Variants in GPC6 observed in about 807,000 individuals in gnomAD.
GPC6 encodes the protein glypican-6.
A neutral mutation model predicts 55.2 loss-of-function variants in GPC6; 14 were observed. That is an observed-to-expected ratio of 0.25 (90% confidence interval 0.17 to 0.40). The LOEUF (loss-of-function observed/expected upper bound fraction) is 0.40, where lower values mean the gene tolerates loss of function less well. Among genes scored for constraint, GPC6 ranks in the 10% least tolerant of loss-of-function variants. GPC6 has a pLI of 1.00. For synonymous variants in GPC6, 278 were observed against 259.6 expected (o/e 1.07, Z -0.68); for missense variants, 641 against 708.5 (o/e 0.90, Z 1.08).
At chr13:93,287,980 T>C (rs567167629) in intron 1 of GPC6, among the ~76,000 whole-genome samples, 8 of 152,334 alleles carry the variant, frequency 5.3e-5, no homozygotes, top group Non-Finnish European at 7.4e-5. Flanking sequence ...CTTGATTTCA[T>C]TGCATTTTGT....
intron 2 of GPC6, among the ~76,000 whole-genome samples, chr13:93,803,279 G>A (rs1886435335): frequency 6.6e-6 from 1 of 152,052 alleles, no homozygotes; most frequent in Admixed American, 6.6e-5. Context: ...ATTGAAAAAT[G>A]GGCAAATGAC....
intron 6 of GPC6, among the ~76,000 whole-genome samples, chr13:94,316,818 G>A (rs1398927975): frequency 6.6e-6 from 1 of 151,876 alleles, no homozygotes; most frequent in Non-Finnish European, 1.5e-5. Context: ...CTTTGATATT[G>A]CACATTGTGA....
At chr13:93,673,874 C>T (rs902275928) in intron 2 of GPC6, among the ~76,000 whole-genome samples, 3 of 152,096 alleles carry the variant, frequency 2.0e-5, no homozygotes, top group Admixed American at 6.6e-5. Flanking sequence ...GATTTGATTA[C>T]ATCATGGACT....
chr13:93,653,635 C>T (rs1331672107), intron 2 of GPC6, among the ~76,000 whole-genome samples: 2 of 41,564 alleles, frequency 4.8e-5, no homozygotes, highest in East Asian at 6.5e-4. Flanking sequence ...TGATTTTAAA[C>T]TTAAAAAAAA....
intron 6 of GPC6, among the ~76,000 whole-genome samples, chr13:94,361,734 A>C (rs922277002): frequency 6.6e-6 from 1 of 152,264 alleles, no homozygotes; most frequent in African/African-American, 2.4e-5. Context: ...GATGTACTTC[A>C]TAAATTCAGA....
At chr13:94,007,566 C>G (rs185007577) in intron 3 of GPC6, among the ~76,000 whole-genome samples, 156 of 152,340 alleles carry the variant, frequency 1.0e-3, no homozygotes, top group Non-Finnish European at 1.9e-3. Flanking sequence ...CTCTTCTTTC[C>G]TACTGCCCTA....
intron 2 of GPC6, among the ~76,000 whole-genome samples, chr13:93,627,660 A>G (rs542473303): frequency 2.6e-5 from 4 of 151,660 alleles, no homozygotes; most frequent in South Asian, 2.1e-4. Context: ...ACCATTTCCT[A>G]TGTGGAAATT....
At chr13:94,369,431 T>A (rs563275452) in intron 6 of GPC6, among the ~76,000 whole-genome samples, 1 of 152,314 alleles carries the variant, frequency 6.6e-6, no homozygotes, top group Admixed American at 6.5e-5. Context: ...AAGTCAAATA[T>A]GTCTCATCAG....
intron 1 of GPC6, among the ~76,000 whole-genome samples, chr13:93,536,461 G>A (rs1177937122): frequency 6.6e-6 from 1 of 152,040 alleles, no homozygotes; most frequent in African/African-American, 2.4e-5. Context: ...GACTACTTCG[G>A]GCACCTCATA....
chr13:93,310,744 G>T (rs2139107922), intron 1 of GPC6, among the ~76,000 whole-genome samples: 1 of 152,192 alleles, frequency 6.6e-6, no homozygotes, highest in South Asian at 2.1e-4. Flanking sequence ...CTACTTTGTT[G>T]CATTCTATAT....
chr13:94,224,630 A>T (rs924757374), intron 4 of GPC6, among the ~76,000 whole-genome samples: 5 of 152,120 alleles, frequency 3.3e-5, no homozygotes, highest in African/African-American at 1.2e-4. Flanking sequence ...TTGTTTGATG[A>T]TAGGAATGAG....
intron 4 of GPC6, among the ~76,000 whole-genome samples, chr13:94,057,274 G>A (rs1034413445): frequency 6.6e-6 from 1 of 152,132 alleles, no homozygotes; most frequent in Non-Finnish European, 1.5e-5. Flanking sequence ...GCTTACAAGT[G>A]TAATCTTATC....
intron 1 of GPC6, among the ~76,000 whole-genome samples, chr13:93,543,602 C>A (rs895374871): frequency 6.6e-6 from 1 of 152,106 alleles, no homozygotes. Context: ...AGGAATGGTA[C>A]CAGTTCCTCC....
intron 3 of GPC6, among the ~76,000 whole-genome samples, chr13:93,986,208 A>G (rs950515675): frequency 1.8e-4 from 27 of 152,198 alleles, no homozygotes; most frequent in South Asian, 6.2e-4. Flanking sequence ...TGCACGTAAC[A>G]ACCTCTTTGA....
At chr13:94,176,832 C>T (rs906779439) in intron 4 of GPC6, among the ~76,000 whole-genome samples, 6 of 152,026 alleles carry the variant, frequency 3.9e-5, no homozygotes, top group Admixed American at 1.3e-4. Context: ...TATGCTTCTC[C>T]GGGGTGAAAG....
chr13:93,287,421 C>G (rs906690054), intron 1 of GPC6, among the ~76,000 whole-genome samples: 2 of 152,164 alleles, frequency 1.3e-5, no homozygotes, highest in Non-Finnish European at 2.9e-5. Flanking sequence ...GGAGGCCTCC[C>G]CGCCTGGTGT....
chr13:93,488,876 T>G (rs528587642), intron 1 of GPC6, among the ~76,000 whole-genome samples: 4 of 152,304 alleles, frequency 2.6e-5, no homozygotes, highest in Non-Finnish European at 5.9e-5. Flanking sequence ...ATTAGACCTT[T>G]GTCAGATGAG....
chr13:93,450,839 C>A, intron 1 of GPC6: 1 of 245,552 alleles, frequency 4.1e-6, no homozygotes, highest in Non-Finnish European at 6.5e-6. Flanking sequence ...CATATGAAGT[C>A]ATTGGCATAC....
intron 6 of GPC6, among the ~76,000 whole-genome samples, chr13:94,336,819 T>TATCA (rs1442157311): frequency 2.6e-5 from 4 of 152,216 alleles, no homozygotes; most frequent in African/African-American, 9.6e-5. Flanking sequence ...GAAGCAGACT[T>TATCA]ATCACTCACA....
Sources: gnomAD v4.1 joint callset for allele counts (sites outside exome capture counted in the v4.1 genomes callset) on GRCh38, gnomAD v4.1.1 for gene constraint, MANE v1.5 for transcripts, NCBI Gene and HGNC (gene_info 2026-07-23, HGNC 2026-07-21) for gene names.